BCAS3: variants seen among roughly 807,000 people sequenced by gnomAD.
The protein encoded by BCAS3 is BCAS4/BCAS3 fusion.
A neutral mutation model predicts 116.1 loss-of-function variants in BCAS3; 53 were observed. That is an observed-to-expected ratio of 0.46 (90% CI 0.37 to 0.57). BCAS3 has a LOEUF of 0.57. Among genes scored for constraint, BCAS3 ranks in the 20% least tolerant of loss-of-function variants. The pLI is 0.00. For missense variants in BCAS3, 917 were observed against 1,165.4 expected (o/e 0.79, Z 3.10); for synonymous variants, 391 against 408.2 (o/e 0.96, Z 0.51).
At chr17:61,046,083 T>A (rs1163957159) in intron 19 of BCAS3, among the ~76,000 whole-genome samples, 7 of 35,942 alleles carry the variant, frequency 1.9e-4, no homozygotes, top group African/African-American at 1.1e-3. Flanking sequence ...TATATATATT[T>A]ATATATATAT....
chr17:61,002,615 G>C (rs1208131042), intron 15 of BCAS3: 1 of 151,926 alleles, frequency 6.6e-6, no homozygotes, highest in Non-Finnish European at 1.5e-5. Context: ...ATTCAACTTT[G>C]GAAATATATT....
rs1297024113 is a variant in BCAS3, at chr17:60,990,794, C to T, written c.1486+559C>T. On this transcript the variant is annotated intron_variant, in intron 15 of 23. Transcript: ENST00000407086. This position sits in a 1 kb window ranked among gnomAD's most constrained non-coding sequence, Gnocchi z 5.1. ...CCCGAGCAGCTGGGATTACAGGCAT[C>T]CGCCACCACGCCTGGCTGATTTTCA... 6.6e-6 allele frequency among the ~76,000 whole-genome samples: 1 copy of T among 152,004 alleles called. No individual in the cohort carries two copies. The highest frequency in any genetic ancestry group is 6.6e-5 in the Admixed American group (1 of 15,258).
chr17:60,747,266 T>A lies in BCAS3; in HGVS notation c.390T>A (p.Pro130=). The change falls in exon 6 of 24, where the codon CCT becomes CCA. Residue 130 remains proline, a synonymous_variant. Transcript: ENST00000407086. Reference sequence around the variant, plus strand: ...CAATTCGAGCGGCTAGAATCTTGCCTGCTCCACAGTTTGGTGAGTGTAGTC... The same window carrying A: ...CAATTCGAGCGGCTAGAATCTTGCCAGCTCCACAGTTTGGTGAGTGTAGTC... ...HGPIRAARIL[P]APQFGAQKCD... is the part of the protein sequence containing the mutation. 1 of 1,612,856 alleles carries A rather than the reference T, an allele frequency of 6.2e-7. No homozygotes were observed. The highest frequency in any genetic ancestry group is 1.1e-5 in the South Asian group (1 of 91,014).
At chr17:61,345,768 G>A (rs571965176) in intron 22 of BCAS3, among the ~76,000 whole-genome samples, 2 of 152,266 alleles carry the variant, frequency 1.3e-5, no homozygotes, top group African/African-American at 4.8e-5. Context: ...GGGCAGTGAA[G>A]GAGTGGCACC....
chr17:60,988,244 C>T (rs2063278905), intron 14 of BCAS3, among the ~76,000 whole-genome samples: 1 of 150,364 alleles, frequency 6.7e-6, no homozygotes, highest in East Asian at 2.0e-4. Context: ...AGGATTTTTA[C>T]ATCAATGTTC....
chr17:61,388,043 C>T lies in BCAS3; in HGVS notation c.2594-3934C>T, dbSNP rs999882996. ...AGGGGGGAGGTGGCTGGGGACACTT[C>T]CCTCATTTCCTGCCACAGAGCCCCC... On this transcript the variant is annotated intron_variant, in intron 23 of 23. Coordinates refer to ENST00000407086, the MANE Select transcript of BCAS3 (RefSeq NM_017679.5). The surrounding 1 kb of genome is among the most constrained non-coding windows in gnomAD (Gnocchi z 6.5). 6.6e-6 allele frequency among the ~76,000 whole-genome samples: 1 copy of T among 152,174 alleles called. No homozygotes were observed. Among genetic ancestry groups the T allele is most frequent in the Admixed American group, 6.5e-5 (1 of 15,284 alleles).
chr17:61,308,534 G>C (rs1202419439), intron 22 of BCAS3, among the ~76,000 whole-genome samples: 1 of 151,868 alleles, frequency 6.6e-6, no homozygotes, highest in African/African-American at 2.4e-5. Flanking sequence ...GTCATACACA[G>C]ACCCCAGCTC....
chr17:61,127,860 T>C (rs904594708), intron 22 of BCAS3, among the ~76,000 whole-genome samples: 1 of 151,204 alleles, frequency 6.6e-6, no homozygotes, highest in African/African-American at 2.4e-5. Flanking sequence ...AAAAAAATAA[T>C]ACATATACAC....
intron 5 of BCAS3, among the ~76,000 whole-genome samples, chr17:60,736,182 G>C (rs1037428033): frequency 1.3e-5 from 2 of 152,256 alleles, no homozygotes; most frequent in African/African-American, 4.8e-5. Context: ...TGGATTACAG[G>C]TGTGAGCCAC....
intron 5 of BCAS3, chr17:60,727,354 CT>C (rs2039990224): frequency 1.3e-6 from 2 of 1,512,556 alleles, no homozygotes; most frequent in African/African-American, 2.7e-5. Flanking sequence ...AGCCACTCTG[CT>C]TCCGATCATA....
At position 60,994,959 on chromosome 17, in the gene BCAS3, C is replaced by A. The variant is rs1264886543; in HGVS notation, c.1486+4724C>A. Among the ~76,000 whole-genome samples, 3 of 152,094 alleles carry A rather than the reference C, an allele frequency of 2.0e-5. No homozygotes were observed. Among genetic ancestry groups the A allele is most frequent in the Admixed American group, 2.0e-4 (3 of 15,264 alleles). On this transcript the variant is annotated intron_variant, in intron 15 of 23. Transcript: ENST00000407086. This position sits in a 1 kb window ranked among gnomAD's most constrained non-coding sequence, Gnocchi z 4.4. ...TTTGGTGTTTCTATTTGTATCTTGG[C>A]AGTTGACATAGATTCTAAGGCCTTT...
At chr17:61,075,107 G>T in intron 20 of BCAS3, 87 bp downstream of exon 20, 1 of 1,016,104 alleles carries the variant, frequency 9.8e-7, no homozygotes, top group Non-Finnish European at 1.5e-6. Flanking sequence ...TAAAAGGGGA[G>T]AATTGGTAAC....
At position 61,078,392 on chromosome 17, in the gene BCAS3, G is replaced by A; in HGVS notation, c.2190G>A (p.Gln730=). The A allele has an allele frequency of 1.2e-6, 2 of 1,614,086 alleles. No homozygotes were observed. Among genetic ancestry groups the A allele is most frequent in the Non-Finnish European group, 1.7e-6 (2 of 1,179,980 alleles). ...GTCTGTGGATGGGTCCACAGTTCCA[G>A]TTCAAAACCATCCATCCCTCAGGCC... ...HRRLWMGPQF[Q]FKTIHPSGQT... Residue 730 remains glutamine, a synonymous_variant, in exon 21 of 24, where the codon CAG becomes CAA. Transcript: ENST00000407086.
intron 14 of BCAS3, among the ~76,000 whole-genome samples, chr17:60,955,831 T>G (rs2061102300): frequency 6.6e-6 from 1 of 152,234 alleles, no homozygotes; most frequent in East Asian, 1.9e-4. Context: ...TGATGTTTCA[T>G]TATGATTAGA....
At chr17:60,889,890 A>G (rs1329703658) in intron 10 of BCAS3, 119 bp downstream of exon 10, 1 of 920,622 alleles carries the variant, frequency 1.1e-6, no homozygotes, top group Non-Finnish European at 1.7e-6. Flanking sequence ...TTACTAGTTC[A>G]TTTGCTTTGG....
intron 7 of BCAS3, among the ~76,000 whole-genome samples, chr17:60,845,093 G>A (rs1022920306): frequency 3.3e-5 from 5 of 152,166 alleles, no homozygotes; most frequent in Non-Finnish European, 4.4e-5. Flanking sequence ...AGATGGGCCC[G>A]GTGGCGCATG....
intron 6 of BCAS3, among the ~76,000 whole-genome samples, chr17:60,780,201 G>C (rs1598661234): frequency 6.6e-6 from 1 of 151,328 alleles, no homozygotes. Flanking sequence ...TATTGGCCAA[G>C]CTGGTCTCAA....
intron 5 of BCAS3, among the ~76,000 whole-genome samples, chr17:60,710,301 G>T (rs1397679628): frequency 6.6e-6 from 1 of 152,214 alleles, no homozygotes; most frequent in East Asian, 1.9e-4. Flanking sequence ...GTTGCTCCTT[G>T]AATGATGTAT....
chr17:61,164,453 G>C (rs1242409266), intron 22 of BCAS3, among the ~76,000 whole-genome samples: 1 of 152,016 alleles, frequency 6.6e-6, no homozygotes, highest in Non-Finnish European at 1.5e-5. Flanking sequence ...ACAGGAGTTA[G>C]AGACCAGCCT....
Sources: gnomAD v4.1 joint callset for allele counts (sites outside exome capture counted in the v4.1 genomes callset) on GRCh38, gnomAD v4.1.1 for gene constraint, Gnocchi (gnomAD v3.1) non-coding constraint, MANE v1.5 for transcripts, NCBI Gene and HGNC (gene_info 2026-07-23, HGNC 2026-07-21) for gene names.